Variants in METTL16 observed in about 807,000 individuals in gnomAD.
METTL16 encodes the protein methyltransferase 16, RNA N6-adenosine, also known as RNA N(6)-adenosine-methyltransferase METTL16.
In METTL16, 19 loss-of-function variants were observed where a neutral mutation model predicts 57.9. The ratio of observed to expected loss-of-function variants is 0.33; its 90% CI spans 0.23 to 0.48. The LOEUF is 0.48. METTL16 is among the 20% of genes least tolerant of loss of function. The probability of loss-of-function intolerance (pLI) is 0.99; values close to 1 mark genes in which losing one functional copy is unlikely to be tolerated. For missense variants in METTL16, 434 were observed against 691.5 expected (o/e 0.63, Z 4.18); for synonymous variants, 246 against 255.6 (o/e 0.96, Z 0.36).
intron 5 of METTL16, among the ~76,000 whole-genome samples, chr17:2,467,388 G>T (rs1408324633): frequency 6.6e-6 from 1 of 152,080 alleles, no homozygotes; most frequent in Non-Finnish European, 1.5e-5. Context: ...ATTTTTTAAA[G>T]TTTTCTTTGC....
intron 7 of METTL16, among the ~76,000 whole-genome samples, chr17:2,440,970 CAA>C (rs760521188): frequency 9.1e-4 from 31 of 34,036 alleles, no homozygotes; most frequent in East Asian, 3.7e-3. Context: ...GACTTGATCT[CAA>C]AAAAAAAAAA....
intron 8 of METTL16, among the ~76,000 whole-genome samples, chr17:2,428,569 A>G (rs1407533355): frequency 8.5e-4 from 19 of 22,254 alleles, no homozygotes; most frequent in Non-Finnish European, 1.2e-3. Context: ...AAAAAAATAT[A>G]TATATATATA....
At chr17:2,492,914 A>AAC (rs775326219) in intron 2 of METTL16, among the ~76,000 whole-genome samples, 14,308 of 143,254 alleles carry the variant, frequency 0.1, 1,003 homozygotes, top group Non-Finnish European at 0.16. Flanking sequence ...AAAAAAAAAA[A>AAC]AACAACAAAA....
chr17:2,420,641 C>G lies in METTL16; in HGVS notation c.1063-45G>C. 1 of 1,570,420 alleles carries G rather than the reference C, an allele frequency of 6.4e-7. No homozygotes were observed. The highest frequency in any genetic ancestry group is 8.6e-7 in the Non-Finnish European group (1 of 1,164,584). On this transcript the variant is annotated intron_variant, in intron 9 of 9. Transcript: ENST00000263092. This position sits in a 1 kb window ranked among gnomAD's most constrained non-coding sequence, Gnocchi z 5.4. ...AATTTTGTGGGAAATCACGTTTCCC[C>G]TCTCTCCAAACTCTCAATAAAAAAA...
chr17:2,464,740 T>TA (rs1274476534), intron 5 of METTL16, among the ~76,000 whole-genome samples: 19 of 152,310 alleles, frequency 1.2e-4, no homozygotes, highest in African/African-American at 4.6e-4. Context: ...AATCCACCCT[T>TA]ACCTCATACC....
At chr17:2,424,406 C>A (rs2066799585) in intron 8 of METTL16, 1 of 151,970 alleles carries the variant, frequency 6.6e-6, no homozygotes, top group Non-Finnish European at 1.5e-5. Flanking sequence ...AGCCACCGCG[C>A]CCGGCCTTAT....
At position 2,442,922 on chromosome 17, in the gene METTL16, G is replaced by C. The variant is rs1271117325; in HGVS notation, c.729-1363C>G. The stretch of plus-strand genomic sequence containing the variant: ...GGCTCACCGCCACCTCCGCCTTCCG[G>C]GTTGAGGTAATTCTCCCGCCTCAGC... On this transcript the variant is annotated intron_variant, in intron 6 of 9. Coordinates refer to ENST00000263092, the MANE Select transcript of METTL16 (RefSeq NM_024086.4). 5.3e-5 allele frequency among the ~76,000 whole-genome samples: 8 copies of C among 151,988 alleles called. No individual in the cohort carries two copies. In the East Asian group the frequency reaches 5.8e-4, roughly 11 times the overall value.
At chr17:2,436,731 A>AC (rs1263433656) in intron 8 of METTL16, 3 of 152,364 alleles carry the variant, frequency 2.0e-5, no homozygotes, top group Non-Finnish European at 4.4e-5. Context: ...CAAGAAGCCA[A>AC]CCACACCTGG....
At chr17:2,466,231 C>T (rs554346645) in intron 5 of METTL16, among the ~76,000 whole-genome samples, 2 of 144,276 alleles carry the variant, frequency 1.4e-5, no homozygotes, top group South Asian at 2.2e-4. Context: ...ACAGTAAAAA[C>T]ATTGATTTCC....
chr17:2,478,286 T>C (rs980663427), intron 2 of METTL16, among the ~76,000 whole-genome samples: 1 of 152,246 alleles, frequency 6.6e-6, no homozygotes, highest in Non-Finnish European at 1.5e-5. Flanking sequence ...TAGCATAATG[T>C]CTGGTGCATA....
intron 8 of METTL16, among the ~76,000 whole-genome samples, chr17:2,421,492 C>T (rs887396346): frequency 2.6e-5 from 4 of 152,208 alleles, no homozygotes; most frequent in African/African-American, 4.8e-5. Context: ...GACTGAACGC[C>T]GAACCCACGT....
chr17:2,492,205 C>T (rs552452834), intron 2 of METTL16, among the ~76,000 whole-genome samples: 7 of 152,152 alleles, frequency 4.6e-5, no homozygotes, highest in African/African-American at 1.2e-4. Context: ...AGCAAGACTC[C>T]GTCTCAAAAA....
At chr17:2,449,379 A>AT (rs1276790650) in intron 6 of METTL16, among the ~76,000 whole-genome samples, 3 of 152,182 alleles carry the variant, frequency 2.0e-5, no homozygotes, top group Admixed American at 6.5e-5. Flanking sequence ...GCTAAAACAA[A>AT]TTTTTTTCCA....
At chr17:2,493,734 A>AC (rs10688449) in intron 2 of METTL16, among the ~76,000 whole-genome samples, 5 of 150,952 alleles carry the variant, frequency 3.3e-5, no homozygotes, top group East Asian at 2.0e-4. Context: ...AAAAAAAAAA[A>AC]CCATTGTAAA....
chr17:2,463,522 C>T (rs778416090), intron 6 of METTL16, among the ~76,000 whole-genome samples: 3 of 152,218 alleles, frequency 2.0e-5, no homozygotes, highest in Middle Eastern at 6.8e-3. Flanking sequence ...AGCGCAGTGG[C>T]ATGATCTCGG....
At chr17:2,431,575 G>A (rs1470660980) in intron 8 of METTL16, among the ~76,000 whole-genome samples, 1 of 152,130 alleles carries the variant, frequency 6.6e-6, no homozygotes, top group Non-Finnish European at 1.5e-5. Context: ...AATGTTACCA[G>A]TTGACACCCA....
At chr17:2,506,652 G>A (rs2151581917) in intron 1 of METTL16, among the ~76,000 whole-genome samples, 1 of 152,166 alleles carries the variant, frequency 6.6e-6, no homozygotes, top group African/African-American at 2.4e-5. Context: ...CCACCTCCCA[G>A]CTGCCTGCCT....
intron 6 of METTL16, among the ~76,000 whole-genome samples, chr17:2,463,527 T>A (rs924260729): frequency 6.6e-6 from 1 of 152,120 alleles, no homozygotes; most frequent in Non-Finnish European, 1.5e-5. Flanking sequence ...AGTGGCATGA[T>A]CTCGGCTCAC....
chr17:2,494,068 CAG>C (rs1457419256), intron 2 of METTL16, among the ~76,000 whole-genome samples: 1 of 152,134 alleles, frequency 6.6e-6, no homozygotes, highest in Non-Finnish European at 1.5e-5. Context: ...TTGTTTTTGA[CAG>C]AGTCTCGCTC....
Sources: gnomAD v4.1 joint callset for allele counts (sites outside exome capture counted in the v4.1 genomes callset) on GRCh38, gnomAD v4.1.1 for gene constraint, Gnocchi (gnomAD v3.1) non-coding constraint, MANE v1.5 for transcripts, NCBI Gene and HGNC (gene_info 2026-07-23, HGNC 2026-07-21) for gene names.